CDH12: variants seen among roughly 807,000 people sequenced by gnomAD.
The protein encoded by CDH12 is cadherin 12.
Under a neutral mutation model 74.1 loss-of-function variants are expected in CDH12, and 41 were observed. That is an observed-to-expected ratio of 0.55 (90% CI 0.43 to 0.72). The LOEUF (loss-of-function observed/expected upper bound fraction) is 0.72, where lower values mean the gene tolerates loss of function less well. Among genes scored for constraint, CDH12 ranks in the 30% least tolerant of loss-of-function variants. The probability of loss-of-function intolerance (pLI) is 0.00; values close to 1 mark genes in which losing one functional copy is unlikely to be tolerated. For missense variants in CDH12, 945 were observed against 977.2 expected, an observed-to-expected ratio of 0.97 and a Z score of 0.44; for synonymous variants, 399 against 355.0, an observed-to-expected ratio of 1.12 and a Z score of -1.39.
rs1364667226 is a variant in CDH12, at chr5:21,844,506, A to C, written c.647-2178T>G. Among the ~76,000 whole-genome samples, 3 of 152,158 alleles carry C rather than the reference A, an allele frequency of 2.0e-5. No homozygotes were observed. In the East Asian group the frequency reaches 5.8e-4, roughly 29 times the overall value. On this transcript the variant is annotated intron_variant, in intron 7 of 14. Transcript: ENST00000382254. ...CCTTTCCTCTGTCTAAGTTCTACAT[A>C]CTATCCAGTTGGTAGCATTACACTA...
intron 5 of CDH12, among the ~76,000 whole-genome samples, chr5:22,026,995 A>G (rs1335458781): frequency 6.6e-6 from 1 of 152,148 alleles, no homozygotes. Flanking sequence ...TCCCATCAAT[A>G]CCTAATTTAT....
chr5:21,999,838 T>A (rs1250127722), intron 5 of CDH12, among the ~76,000 whole-genome samples: 3 of 151,712 alleles, frequency 2.0e-5, no homozygotes, highest in Non-Finnish European at 2.9e-5. Context: ...ATCAACTGCC[T>A]GGGTTTGGTG....
At chr5:22,647,903 C>T (rs916141694) in intron 1 of CDH12, among the ~76,000 whole-genome samples, 1 of 151,758 alleles carries the variant, frequency 6.6e-6, no homozygotes, top group African/African-American at 2.4e-5. Context: ...ATAAATGTTT[C>T]CTTTCTTCCA....
intron 3 of CDH12, among the ~76,000 whole-genome samples, chr5:22,359,249 T>C (rs1200643903): frequency 2.0e-5 from 3 of 151,450 alleles, no homozygotes; most frequent in Admixed American, 6.6e-5. Flanking sequence ...ACCAAGCAAA[T>C]GGAAAACAAA....
At chr5:21,880,136 C>A (rs1407492274) in intron 6 of CDH12, among the ~76,000 whole-genome samples, 4 of 152,168 alleles carry the variant, frequency 2.6e-5, no homozygotes, top group African/African-American at 9.7e-5. Flanking sequence ...AGTACTGAAC[C>A]TGGGGCCACA....
intron 7 of CDH12, among the ~76,000 whole-genome samples, chr5:21,851,320 G>A (rs1484785140): frequency 6.6e-6 from 1 of 150,824 alleles, no homozygotes; most frequent in Non-Finnish European, 1.5e-5. Context: ...CTTAAATGGA[G>A]TTACTCTATT....
At chr5:22,325,716 CTCTACTAAAAATACAAAAAAAA>C (rs1450300898) in intron 3 of CDH12, among the ~76,000 whole-genome samples, 2 of 152,060 alleles carry the variant, frequency 1.3e-5, no homozygotes, top group African/African-American at 4.8e-5. Context: ...GAAACCCCGT[CTCTACTAAAAATACAAAAAAAA>C]TCTACTAAAA....
At chr5:22,578,260 T>C (rs1380169555) in intron 1 of CDH12, among the ~76,000 whole-genome samples, 1 of 152,108 alleles carries the variant, frequency 6.6e-6, no homozygotes, top group African/African-American at 2.4e-5. Context: ...CTTCAAGACT[T>C]TTTATGCATC....
At chr5:22,592,830 G>A (rs1008549698) in intron 1 of CDH12, among the ~76,000 whole-genome samples, 7 of 151,752 alleles carry the variant, frequency 4.6e-5, no homozygotes, top group Admixed American at 6.6e-5. Flanking sequence ...AGGTGTTCAC[G>A]ACCAGCCTGT....
chr5:22,064,013 A>G (rs1052984670), intron 5 of CDH12, among the ~76,000 whole-genome samples: 13 of 150,010 alleles, frequency 8.7e-5, no homozygotes, highest in Admixed American at 4.0e-4. Flanking sequence ...ACACACACAC[A>G]CACACACAAA....
intron 3 of CDH12, among the ~76,000 whole-genome samples, chr5:22,242,363 T>C (rs1009227133): frequency 6.6e-6 from 1 of 152,210 alleles, no homozygotes; most frequent in African/African-American, 2.4e-5. Flanking sequence ...TATTTTTCGT[T>C]TTTTTCATTT....
At chr5:22,166,832 C>T (rs1485271346) in intron 4 of CDH12, among the ~76,000 whole-genome samples, 10 of 151,612 alleles carry the variant, frequency 6.6e-5, no homozygotes, top group Non-Finnish European at 1.0e-4. Context: ...CACTCCCTAG[C>T]GAGAAAGAAT....
At chr5:22,714,700 C>T (rs186917595) in intron 1 of CDH12, among the ~76,000 whole-genome samples, 92 of 152,196 alleles carry the variant, frequency 6.0e-4, no homozygotes, top group African/African-American at 2.1e-3. Flanking sequence ...CCAATAGGCC[C>T]GCCTAATATT....
At chr5:22,542,163 T>C (rs551130898) in intron 1 of CDH12, among the ~76,000 whole-genome samples, 2 of 152,330 alleles carry the variant, frequency 1.3e-5, no homozygotes, top group Admixed American at 1.3e-4. Context: ...GTAATTTTTA[T>C]TTACAGGTTA....
At chr5:22,738,324 G>A (rs529345094) in intron 1 of CDH12, among the ~76,000 whole-genome samples, 1 of 151,940 alleles carries the variant, frequency 6.6e-6, no homozygotes, top group Admixed American at 6.6e-5. Flanking sequence ...TGTTTCCTGT[G>A]GTCAGAGACA....
chr5:22,218,555 T>C (rs115615512), intron 3 of CDH12, among the ~76,000 whole-genome samples: 2,610 of 151,808 alleles, frequency 0.017, 29 homozygotes, highest in African/African-American at 0.024. Context: ...AGAAAACAGG[T>C]AACTGGTTGG....
intron 3 of CDH12, among the ~76,000 whole-genome samples, chr5:22,389,938 G>A (rs1008278612): frequency 2.6e-5 from 4 of 151,774 alleles, no homozygotes; most frequent in Admixed American, 6.6e-5. Context: ...GTGAGCCACC[G>A]TGCCTGGCCG....
chr5:21,938,726 A>ATATT (rs1755189338), intron 6 of CDH12, among the ~76,000 whole-genome samples: 1 of 120,230 alleles, frequency 8.3e-6, no homozygotes, highest in African/African-American at 4.2e-5. Context: ...TAATATACAT[A>ATATT]TATATATATA....
At chr5:21,920,336 G>A (rs919805712) in intron 6 of CDH12, among the ~76,000 whole-genome samples, 1 of 152,246 alleles carries the variant, frequency 6.6e-6, no homozygotes, top group Middle Eastern at 3.4e-3. Context: ...TGCCTATAAA[G>A]TCAGATATCT....
Sources: gnomAD v4.1 joint callset for allele counts (sites outside exome capture counted in the v4.1 genomes callset) on GRCh38, gnomAD v4.1.1 for gene constraint, MANE v1.5 for transcripts, NCBI Gene and HGNC (gene_info 2026-07-23, HGNC 2026-07-21) for gene names.